The following RBFOX1 variants were observed in gnomAD, a reference collection of about 807,000 sequenced individuals.
RBFOX1 encodes the protein RNA binding protein fox-1 homolog 1.
In RBFOX1, 8 loss-of-function variants were observed where a neutral mutation model predicts 57.7. The ratio of observed to expected loss-of-function variants is 0.14; its 90% confidence interval spans 0.08 to 0.25. The LOEUF is 0.25. Among genes scored for constraint, RBFOX1 ranks in the 10% least tolerant of loss-of-function variants. The pLI, the probability that RBFOX1 is intolerant of heterozygous loss-of-function variation, is 1.00. For synonymous variants in RBFOX1, 326 were observed against 222.4 expected (o/e 1.47, Z -4.15); for missense variants, 611 against 548.5 (o/e 1.11, Z -1.14).
At chr16:6,566,246 G>A (rs544179975) in intron 2 of RBFOX1, among the ~76,000 whole-genome samples, 3 of 152,270 alleles carry the variant, frequency 2.0e-5, no homozygotes, top group Non-Finnish European at 2.9e-5. Context: ...GATCCACCAC[G>A]GTGAGAAAAA....
At chr16:5,373,210 C>T (rs975193779) in intron 1 of RBFOX1, among the ~76,000 whole-genome samples, 7 of 152,122 alleles carry the variant, frequency 4.6e-5, no homozygotes, top group Non-Finnish European at 4.4e-5. Flanking sequence ...GTTTTTATGG[C>T]TTCTAGGTGT....
intron 1 of RBFOX1, among the ~76,000 whole-genome samples, chr16:5,347,877 C>G (rs1298389132): frequency 1.3e-5 from 2 of 149,570 alleles, no homozygotes; most frequent in African/African-American, 5.0e-5. Flanking sequence ...CAATAATGCA[C>G]TCACCCACCC....
In RBFOX1 at chr16:5,247,510, C is replaced by G. The variant is rs111909566; in HGVS notation, c.219+7405C>G. ...CAGCTCCTGTGTGCCAGCTGCTGGT[C>G]TACAAGATGGATGGGTCCTTGGAGA... On this transcript the variant is annotated intron_variant, in intron 1 of 2. Transcript: ENST00000585867. Among the ~76,000 whole-genome samples the G allele has an allele frequency of 9.8e-3, 1,497 of 152,284 alleles. 31 individuals are homozygous for G. Among genetic ancestry groups the G allele is most frequent in the African/African-American group, 0.034 (1,426 of 41,566 alleles).
chr16:7,251,497 G>A (rs2094498799), intron 4 of RBFOX1, among the ~76,000 whole-genome samples: 1 of 149,112 alleles, frequency 6.7e-6, no homozygotes, highest in South Asian at 2.1e-4. Context: ...TGCAACCTCT[G>A]CCTCGTGGGT....
At chr16:7,045,007 A>G (rs1217372342) in intron 3 of RBFOX1, among the ~76,000 whole-genome samples, 1 of 152,186 alleles carries the variant, frequency 6.6e-6, no homozygotes, top group Non-Finnish European at 1.5e-5. Context: ...GCCGAAACAC[A>G]CAACTCATGA....
chr16:7,384,220 T>C (rs1597080578), intron 4 of RBFOX1, among the ~76,000 whole-genome samples: 1 of 151,346 alleles, frequency 6.6e-6, no homozygotes, highest in Admixed American at 6.6e-5. Context: ...ATATATGAAA[T>C]ATATATATGA....
intron 3 of RBFOX1, among the ~76,000 whole-genome samples, chr16:7,045,590 G>A (rs1027991512): frequency 2.0e-5 from 3 of 152,038 alleles, no homozygotes; most frequent in African/African-American, 7.2e-5. Flanking sequence ...GTGCTTTTGT[G>A]AGTCTGGCAA....
chr16:6,513,428 T>C (rs2096294228), intron 2 of RBFOX1, among the ~76,000 whole-genome samples: 1 of 152,114 alleles, frequency 6.6e-6, no homozygotes, highest in Admixed American at 6.6e-5. Flanking sequence ...CTCATGACTC[T>C]GTGTAAAAGT....
chr16:7,007,127 A>T (rs1187590892), intron 3 of RBFOX1, among the ~76,000 whole-genome samples: 4 of 152,164 alleles, frequency 2.6e-5, no homozygotes, highest in Admixed American at 2.6e-4. Flanking sequence ...AGGCTCTGGG[A>T]AGAGTCCATT....
intron 4 of RBFOX1, among the ~76,000 whole-genome samples, chr16:7,107,686 C>T (rs2063856790): frequency 6.6e-6 from 1 of 152,104 alleles, no homozygotes; most frequent in Non-Finnish European, 1.5e-5. Flanking sequence ...TTTCTACACA[C>T]TAGTTTGCCT....
rs1436540826 is a variant in RBFOX1 at position 7,567,634 on chromosome 16, TATCCCTATATATGG to T, written c.271-12142_271-12129del. ...TTATATGGCCCTATATATATATATATATCCCTATATATGGCCCTATATATATATATCCCTATATA... is the reference window on the plus strand; with the variant it reads ...TTATATGGCCCTATATATATATATATCCCTATATATATATATCCCTATATA... On this transcript the variant is annotated intron_variant, in intron 5 of 15. Transcript: ENST00000550418. Among the ~76,000 whole-genome samples the T allele has an allele frequency of 1.2e-3, 93 of 77,574 alleles. 2 individuals carry two copies. The highest frequency in any genetic ancestry group is 3.2e-3 in the East Asian group (7 of 2,186). 50.9% of individuals were successfully genotyped at this position (77,574 alleles called of 152,430 possible).
intron 3 of RBFOX1, among the ~76,000 whole-genome samples, chr16:6,986,235 C>G (rs916703488): frequency 7.2e-6 from 1 of 139,194 alleles, no homozygotes; most frequent in East Asian, 2.1e-4. Context: ...GAGTCTTGGT[C>G]TGTCACCCAG....
intron 2 of RBFOX1, among the ~76,000 whole-genome samples, chr16:6,556,811 C>T (rs1011610013): frequency 6.6e-6 from 1 of 151,814 alleles, no homozygotes; most frequent in South Asian, 2.1e-4. Context: ...CATGTGACTG[C>T]AGGTGTTATG....
chr16:7,090,392 G>C (rs528425785), intron 4 of RBFOX1, among the ~76,000 whole-genome samples: 1 of 152,146 alleles, frequency 6.6e-6, no homozygotes, highest in Non-Finnish European at 1.5e-5. Context: ...AGATGGTATA[G>C]TCTCCCTTCT....
chr16:7,087,676 C>T (rs1045856110), intron 4 of RBFOX1, among the ~76,000 whole-genome samples: 1 of 152,100 alleles, frequency 6.6e-6, no homozygotes, highest in Non-Finnish European at 1.5e-5. Flanking sequence ...CTCATAAACT[C>T]ATAAACAAGC....
chr16:6,549,594 A>C (rs962450717), intron 2 of RBFOX1, among the ~76,000 whole-genome samples: 1 of 151,272 alleles, frequency 6.6e-6, no homozygotes, highest in Non-Finnish European at 1.5e-5. Context: ...GAAAGCATTC[A>C]CTTGAAGATA....
At chr16:5,868,831 G>A (rs1322704939) in intron 4 of RBFOX1, among the ~76,000 whole-genome samples, 1 of 152,220 alleles carries the variant, frequency 6.6e-6, no homozygotes, top group African/African-American at 2.4e-5. Context: ...ATCCTATGAG[G>A]CTGTCGAGAG....
chr16:6,226,537 A>G (rs1038983267), intron 1 of RBFOX1, among the ~76,000 whole-genome samples: 3 of 152,146 alleles, frequency 2.0e-5, no homozygotes, highest in African/African-American at 7.2e-5. Flanking sequence ...TTTTCAAGGC[A>G]CAGACTTTCT....
At chr16:5,864,758 G>GT (rs756964333) in intron 3 of RBFOX1, among the ~76,000 whole-genome samples, 5 of 152,062 alleles carry the variant, frequency 3.3e-5, no homozygotes, top group African/African-American at 4.8e-5. Flanking sequence ...TCATGTATGT[G>GT]TTTTTTGTTT....
Sources: allele counts gnomAD v4.1 joint callset (sites outside exome capture counted in the v4.1 genomes callset), GRCh38; gene constraint gnomAD v4.1.1; transcripts MANE v1.5; gene names NCBI Gene and HGNC (gene_info 2026-07-23, HGNC 2026-07-21).